XPO5: variants seen among roughly 807,000 people sequenced by gnomAD.
XPO5 encodes exportin 5, also known as exportin-5.
Under a neutral mutation model 160.6 loss-of-function variants are expected in XPO5, and 46 were observed. The ratio of observed to expected loss-of-function variants is 0.29; its 90% CI spans 0.23 to 0.37. The LOEUF (loss-of-function observed/expected upper bound fraction) is 0.37. Among genes scored for constraint, XPO5 ranks in the 10% least tolerant of loss-of-function variants. The pLI, the probability that XPO5 is intolerant of heterozygous loss-of-function variation, is 1.00. For synonymous variants in XPO5, 537 were observed against 519.3 expected, an observed-to-expected ratio of 1.03 and a Z score of -0.46; for missense variants, 1,090 against 1,463.9, an observed-to-expected ratio of 0.74 and a Z score of 4.17.
chr6:43,575,611 A>G (rs1316514869), intron 1 of XPO5, 149 bp downstream of exon 1: 3 of 651,264 alleles, frequency 4.6e-6, no homozygotes, highest in Non-Finnish European at 5.2e-6. Context: ...AGAGGCGCGG[A>G]GGGCCGCGAG....
intron 23 of XPO5, among the ~76,000 whole-genome samples, chr6:43,529,801 G>T (rs1359615274): frequency 6.6e-6 from 1 of 150,578 alleles, no homozygotes; most frequent in African/African-American, 2.5e-5. Flanking sequence ...CGCATCTGTG[G>T]TCCAGTCCAG....
chr6:43,563,431 G>A (rs1027151837), intron 8 of XPO5, among the ~76,000 whole-genome samples: 2 of 152,150 alleles, frequency 1.3e-5, no homozygotes, highest in South Asian at 2.1e-4. Context: ...CATTGGGCCC[G>A]GCCTTGCTTT....
intron 13 of XPO5, chr6:43,555,339 G>A (rs1234951649): frequency 6.5e-6 from 1 of 153,874 alleles, no homozygotes; most frequent in Non-Finnish European, 1.4e-5. Flanking sequence ...GAGGCATTCG[G>A]TAGAGGGGGA....
chr6:43,569,965 C>G (rs1220286172), intron 5 of XPO5, among the ~76,000 whole-genome samples: 1 of 141,194 alleles, frequency 7.1e-6, no homozygotes, highest in Non-Finnish European at 1.5e-5. Context: ...TGCCTGTAAT[C>G]CCAGGAGGTG....
chr6:43,529,156 T>C, intron 23 of XPO5: 3 of 1,416,892 alleles, frequency 2.1e-6, no homozygotes, highest in South Asian at 2.3e-5. Context: ...GGCTGCACAT[T>C]ATGGTCACTG....
At chr6:43,539,668 TC>T in intron 20 of XPO5, 4 of 1,055,180 alleles carry the variant, frequency 3.8e-6, no homozygotes, top group Non-Finnish European at 5.6e-6. Context: ...CACCAGGGCC[TC>T]CAGGCCCCCC....
rs940623608 is a variant in XPO5, at chr6:43,534,835, T to C, written c.2343-828A>G. On this transcript the variant is annotated intron_variant, in intron 20 of 31. Transcript: ENST00000265351. ...CAACATAGGGAAACCCTGTCTCTACTAAAAATATAAAAATTAGATGGGTGT... is the reference window on the plus strand; with the variant it reads ...CAACATAGGGAAACCCTGTCTCTACCAAAAATATAAAAATTAGATGGGTGT... Among the ~76,000 whole-genome samples the C allele has an allele frequency of 1.3e-4, 20 of 152,048 alleles. No homozygotes were observed. The East Asian group carries it at 2.5e-3, about 19-fold the overall frequency.
rs765534043 is a variant in XPO5 at position 43,570,954 on chromosome 6, T to C, written c.341A>G (p.Asp114Gly). Reference protein sequence around the residue: ...NILEEENHIKDALSRIVVEMI... With the variant: ...NILEEENHIKGALSRIVVEMI... ...TTCCACTACAATTCGAGACAGAGCA[T>C]CTTTAATATGGTTCTCCTCTTCCAA... Residue 114 changes from aspartate (D) to glycine (G), a missense_variant, in exon 4 of 32, where the codon GAT becomes GGT. Asp to Gly is a moderately conservative substitution (Grantham distance 94, BLOSUM62 -1). This residue lies in a region of XPO5 where 170 missense variants were observed against 227.0 expected (regional missense o/e 0.75). Transcript: ENST00000265351. The C allele has an allele frequency of 6.2e-7, 1 of 1,613,806 alleles. No homozygotes were observed. Among genetic ancestry groups the C allele is most frequent in the Non-Finnish European group, 8.5e-7 (1 of 1,179,818 alleles).
intron 8 of XPO5, among the ~76,000 whole-genome samples, chr6:43,564,580 G>C (rs990943658): frequency 2.0e-5 from 3 of 151,804 alleles, no homozygotes; most frequent in Non-Finnish European, 4.4e-5. Flanking sequence ...TTAGCTTACT[G>C]TAACTTTTTA....
At position 43,523,346 on chromosome 6, in the gene XPO5, T is replaced by G; in HGVS notation, c.*522A>C. 2 of 273,518 alleles carry G rather than the reference T, an allele frequency of 7.3e-6. No homozygotes were observed. Among genetic ancestry groups the G allele is most frequent in the East Asian group, 9.3e-5 (1 of 10,784 alleles). 16.9% of individuals were successfully genotyped at this position (273,518 alleles called of 1,614,324 possible). ...GAACTGACCAAGTTCTCTTCAGCACTTAGCACCTAACCCAGACATGCCCCT... is the reference window on the plus strand; with the variant it reads ...GAACTGACCAAGTTCTCTTCAGCACGTAGCACCTAACCCAGACATGCCCCT... On this transcript the variant is annotated 3_prime_UTR_variant, in exon 32 of 32. Coordinates refer to ENST00000265351, the MANE Select transcript of XPO5 (RefSeq NM_020750.3).
In XPO5 at chr6:43,528,089, C is replaced by T. The variant is rs533690824; in HGVS notation, c.2822+70G>A. On this transcript the variant is annotated intron_variant, in intron 25 of 31. Coordinates refer to ENST00000265351, the MANE Select transcript of XPO5 (RefSeq NM_020750.3). ...ACCCTGGGACAGCAGAATCCCTGCC[C>T]GCTTCCTTTTCCCACCCCAAACCTG... 1.9e-5 allele frequency: 28 copies of T among 1,469,798 alleles called. No homozygotes were observed. In the East Asian group the frequency reaches 2.2e-4, roughly 12 times the overall value. The allele number at this position is 1,469,798 out of a possible 1,614,324, so 91.0% of individuals were successfully genotyped here.
At chr6:43,561,321 C>A (rs1762402672) in intron 9 of XPO5, 1 of 288,218 alleles carries the variant, frequency 3.5e-6, no homozygotes, top group South Asian at 4.8e-5. Flanking sequence ...CTTCCTCAGA[C>A]CTTACCTATT....
At chr6:43,547,388 C>T in intron 19 of XPO5, 2 of 629,750 alleles carry the variant, frequency 3.2e-6, no homozygotes, top group South Asian at 3.2e-5. Context: ...ATCCTTAAAG[C>T]CAAAATAATG....
rs1458237339 is a variant in XPO5 at position 43,560,997 on chromosome 6, G to A, written c.1022C>T (p.Ser341Phe). 3 of 1,613,764 alleles carry A rather than the reference G, an allele frequency of 1.9e-6. No homozygotes were observed. In the South Asian group the frequency reaches 3.3e-5, roughly 18 times the overall value. The stretch of plus-strand genomic sequence containing the variant: ...AAAGTTTGATGGTGTTTCTACATCA[G>A]AATCTGCACCCTGTAGGAGAAGACC... ...NQLCALLGAD[S>F]DVETPSNFGK... The change falls in exon 10 of 32, where the codon TCT (serine) becomes TTT (phenylalanine). Residue 341 changes from serine (S) to phenylalanine (F), a missense_variant. By Grantham distance (155) the Ser-to-Phe change is radical (BLOSUM62 -2). Transcript: ENST00000265351.
chr6:43,541,561 C>T (rs1794690348), intron 20 of XPO5, among the ~76,000 whole-genome samples: 1 of 144,982 alleles, frequency 6.9e-6, no homozygotes, highest in Non-Finnish European at 1.5e-5. Context: ...CTGCCAGGCC[C>T]ATTAAGCAGT....
At chr6:43,537,891 A>C (rs989882692) in intron 20 of XPO5, among the ~76,000 whole-genome samples, 4 of 151,742 alleles carry the variant, frequency 2.6e-5, no homozygotes, top group African/African-American at 9.7e-5. Context: ...ACATGGCAAA[A>C]CCCTGTATCT....
intron 28 of XPO5, 73 bp from the exon 29 acceptor site, chr6:43,525,287 G>C: frequency 7.2e-7 from 1 of 1,394,268 alleles, no homozygotes; most frequent in South Asian, 1.3e-5. Context: ...TACACATCAG[G>C]AGCCGGAGGG....
In XPO5 at chr6:43,522,630, GCTT is replaced by G. The variant is rs371707478; in HGVS notation, c.*1235_*1237del. 1.5e-5 allele frequency: 6 copies of G among 409,574 alleles called. No homozygotes were observed. The highest frequency in any genetic ancestry group is 7.7e-5 in the East Asian group (1 of 12,976). The allele number at this position is 409,574 out of a possible 1,614,324, so 25.4% of individuals were successfully genotyped here. The stretch of plus-strand genomic sequence containing the variant: ...TCCCAACTTCTGCTTCCCCAGCTTT[GCTT>G]CTTCTCAATCTGACCCTGCCTGTGG... On this transcript the variant is annotated 3_prime_UTR_variant, in exon 32 of 32. Transcript: ENST00000265351.
chr6:43,560,092 TA>T, intron 11 of XPO5, 85 bp downstream of exon 11: 1 of 1,484,698 alleles, frequency 6.7e-7, no homozygotes, highest in East Asian at 2.4e-5. Flanking sequence ...GAGCTGGGAT[TA>T]TAGGCGTGAG....
Sources: gnomAD v4.1 joint callset for allele counts (sites outside exome capture counted in the v4.1 genomes callset) on GRCh38, gnomAD v4.1.1 for gene constraint, gnomAD v4.1.1 regional missense constraint, MANE v1.5 for transcripts, NCBI Gene and HGNC (gene_info 2026-07-23, HGNC 2026-07-21) for gene names.